Variants in PPARGC1A observed in about 807,000 individuals in gnomAD.
PPARGC1A encodes the protein PPARG coactivator 1 alpha, also known as peroxisome proliferator-activated receptor gamma coactivator 1-alpha.
A neutral mutation model predicts 88.7 loss-of-function variants in PPARGC1A; 25 were observed. That is an observed-to-expected ratio of 0.28 (90% CI 0.21 to 0.39). The LOEUF (loss-of-function observed/expected upper bound fraction) is 0.39, where lower values mean the gene tolerates loss of function less well. PPARGC1A is among the 10% of genes least tolerant of loss of function. The pLI is 1.00. For synonymous variants in PPARGC1A, 363 were observed against 355.6 expected (o/e 1.02, Z -0.24); for missense variants, 880 against 968.7 (o/e 0.91, Z 1.22).
At chr4:23,898,376 C>A (rs968582575) in intron 1 of PPARGC1A, among the ~76,000 whole-genome samples, 6 of 152,156 alleles carry the variant, frequency 3.9e-5, no homozygotes, top group Admixed American at 3.3e-4. Flanking sequence ...CTAAGACCAA[C>A]CAGCTTGGAG....
At chr4:23,896,369 A>T (rs1006773922) in intron 1 of PPARGC1A, among the ~76,000 whole-genome samples, 2 of 152,144 alleles carry the variant, frequency 1.3e-5, no homozygotes, top group African/African-American at 4.8e-5. Flanking sequence ...ACATACTGGG[A>T]ATGTAGCAGA....
the PPARGC1A span, among the ~76,000 whole-genome samples, chr4:24,300,279 G>T: frequency 6.3e-5 from 7 of 110,810 alleles, no homozygotes; most frequent in South Asian, 1.7e-3. Flanking sequence ...GCTTTTATGG[G>T]TTTTTTTTCC....
chr4:24,009,324 G>T, the PPARGC1A span, among the ~76,000 whole-genome samples: 12 of 152,116 alleles, frequency 7.9e-5, no homozygotes, highest in East Asian at 3.9e-4. Context: ...AAGAAAGAAA[G>T]ATGGCCAAGT....
At chr4:24,118,487 T>C in the PPARGC1A span, among the ~76,000 whole-genome samples, 1 of 152,106 alleles carries the variant, frequency 6.6e-6, no homozygotes, top group East Asian at 1.9e-4. Context: ...CAATAGAATG[T>C]CATTTTTGTC....
chr4:24,111,701 T>C, the PPARGC1A span, among the ~76,000 whole-genome samples: 417 of 152,314 alleles, frequency 2.7e-3, 5 homozygotes, highest in East Asian at 0.051. Flanking sequence ...TGCACTGCCC[T>C]AAAGAAGCTA....
chr4:23,985,615 CT>C, the PPARGC1A span, among the ~76,000 whole-genome samples: 126,149 of 151,860 alleles, frequency 0.83, 52,512 homozygotes, highest in Non-Finnish European at 0.84. Context: ...TGACCAATTA[CT>C]TATCTAAACG....
the PPARGC1A span, among the ~76,000 whole-genome samples, chr4:24,036,215 G>C: frequency 3.3e-5 from 5 of 152,090 alleles, no homozygotes; most frequent in Non-Finnish European, 7.4e-5. Flanking sequence ...TCATCTGCAG[G>C]GCTGACATTT....
chr4:24,041,547 G>A, the PPARGC1A span, among the ~76,000 whole-genome samples: 1 of 152,084 alleles, frequency 6.6e-6, no homozygotes, highest in African/African-American at 2.4e-5. Context: ...ATTTGTATGT[G>A]CCATCTGCTA....
At chr4:24,211,334 A>T in the PPARGC1A span, among the ~76,000 whole-genome samples, 40 of 152,306 alleles carry the variant, frequency 2.6e-4, no homozygotes, top group African/African-American at 5.8e-4. Flanking sequence ...TTCACCAGAG[A>T]CTTCAATATA....
the PPARGC1A span, among the ~76,000 whole-genome samples, chr4:24,125,439 C>T: frequency 6.6e-6 from 1 of 152,070 alleles, no homozygotes; most frequent in African/African-American, 2.4e-5. Flanking sequence ...AGCTCCACAC[C>T]CCAAAGCTGC....
At chr4:23,923,123 T>TGC in the PPARGC1A span, among the ~76,000 whole-genome samples, 1 of 150,356 alleles carries the variant, frequency 6.7e-6, no homozygotes, top group Non-Finnish European at 1.5e-5. Context: ...CTTGTTTTTT[T>TGC]TTTTTTTTTT....
the PPARGC1A span, among the ~76,000 whole-genome samples, chr4:23,922,445 G>T: frequency 3.9e-5 from 6 of 152,182 alleles, no homozygotes; most frequent in Non-Finnish European, 8.8e-5. Context: ...TGGAATAGAT[G>T]CATTCACACA....
At chr4:23,907,913 C>T (rs1193976468), upstream of PPARGC1A, among the ~76,000 whole-genome samples, 2 of 152,194 alleles carry the variant, frequency 1.3e-5, no homozygotes, top group Non-Finnish European at 2.9e-5. Flanking sequence ...ATGTTTCCCT[C>T]TCTGTGGGTG....
chr4:24,318,591 C>T, the PPARGC1A span, among the ~76,000 whole-genome samples: 1 of 152,222 alleles, frequency 6.6e-6, no homozygotes, highest in African/African-American at 2.4e-5. Flanking sequence ...AGTCGGGCAT[C>T]ATCAAAGTGC....
the PPARGC1A span, among the ~76,000 whole-genome samples, chr4:24,467,712 G>A: frequency 3.6e-4 from 54 of 151,390 alleles, no homozygotes; most frequent in African/African-American, 4.8e-4. Context: ...ACTTACCCAC[G>A]TCCATTAATG....
At chr4:24,306,672 A>G in the PPARGC1A span, among the ~76,000 whole-genome samples, 1 of 152,350 alleles carries the variant, frequency 6.6e-6, no homozygotes, top group East Asian at 1.9e-4. Flanking sequence ...GCAATCAAAG[A>G]CAATATATAC....
At chr4:24,103,595 C>CAAAAAAAAAAAAAAAAAAAAAAAAA in the PPARGC1A span, among the ~76,000 whole-genome samples, 9 of 121,584 alleles carry the variant, frequency 7.4e-5, no homozygotes, top group East Asian at 5.3e-4. Context: ...TGCCTTCTTC[C>CAAAAAAAAAAAAAAAAAAAAAAAAA]AAAAAAAAAA....
chr4:24,216,977 C>A, the PPARGC1A span, among the ~76,000 whole-genome samples: 2 of 152,140 alleles, frequency 1.3e-5, no homozygotes, highest in East Asian at 1.9e-4. Context: ...ATTCAAAGCA[C>A]CTGACACATA....
At chr4:24,039,195 C>T in the PPARGC1A span, among the ~76,000 whole-genome samples, 12 of 152,188 alleles carry the variant, frequency 7.9e-5, no homozygotes, top group Admixed American at 3.9e-4. Flanking sequence ...CATATCTTAA[C>T]GGGATAAAAG....
Sources: gnomAD v4.1 joint callset for allele counts (sites outside exome capture counted in the v4.1 genomes callset) on GRCh38, gnomAD v4.1.1 for gene constraint, MANE v1.5 for transcripts, NCBI Gene and HGNC (gene_info 2026-07-23, HGNC 2026-07-21) for gene names.